AGAP1: variants seen among roughly 807,000 people sequenced by gnomAD.
AGAP1 encodes ArfGAP with GTPase domain, ankyrin repeat and PH domain 1, also known as arf-GAP with GTPase, ANK repeat and PH domain-containing protein 1.
AGAP1 carries 29 observed loss-of-function variants against 105.3 expected under a neutral mutation model. The ratio of observed to expected loss-of-function variants is 0.28; its 90% CI spans 0.21 to 0.38. The LOEUF is 0.38. AGAP1 is among the 10% of genes least tolerant of loss of function. The probability of loss-of-function intolerance (pLI) is 1.00; values close to 1 mark genes in which losing one functional copy is unlikely to be tolerated. For missense variants in AGAP1, 998 were observed against 1,165.1 expected, an observed-to-expected ratio of 0.86 and a Z score of 2.09; for synonymous variants, 509 against 485.9, an observed-to-expected ratio of 1.05 and a Z score of -0.63.
intron 13 of AGAP1, among the ~76,000 whole-genome samples, chr2:235,972,751 G>T (rs934107364): frequency 4.6e-5 from 7 of 152,174 alleles, no homozygotes. Context: ...AGAAGCCGTA[G>T]AGTGTTCGTG....
At chr2:235,822,460 G>A (rs1958844348) in intron 9 of AGAP1, among the ~76,000 whole-genome samples, 1 of 151,978 alleles carries the variant, frequency 6.6e-6, no homozygotes, top group Non-Finnish European at 1.5e-5. Context: ...AAGAGCTGGA[G>A]AAGCTCAAGG....
intron 1 of AGAP1, among the ~76,000 whole-genome samples, chr2:235,537,255 G>C (rs929632777): frequency 2.6e-5 from 4 of 152,230 alleles, no homozygotes; most frequent in African/African-American, 9.6e-5. Context: ...GGGGCACCTC[G>C]GGAGCCTGGC....
At chr2:235,675,190 GT>G (rs10714704) in intron 1 of AGAP1, among the ~76,000 whole-genome samples, 53,807 of 126,908 alleles carry the variant, frequency 0.42, 9,797 homozygotes, top group Middle Eastern at 0.48. Flanking sequence ...TGGTTGGTTG[GT>G]TTTTTTTTTT....
intron 2 of AGAP1, among the ~76,000 whole-genome samples, chr2:235,715,655 C>T (rs761169878): frequency 6.6e-6 from 1 of 152,160 alleles, no homozygotes; most frequent in Non-Finnish European, 1.5e-5. Context: ...TGAAGGAGTG[C>T]CACTTTCTCA....
chr2:235,640,684 C>T (rs1393973492), intron 1 of AGAP1, among the ~76,000 whole-genome samples: 1 of 152,192 alleles, frequency 6.6e-6, no homozygotes, highest in African/African-American at 2.4e-5. Context: ...TGTTACCTAC[C>T]ACCATTTTTA....
chr2:236,024,887 C>T (rs892249874), intron 13 of AGAP1, among the ~76,000 whole-genome samples: 6 of 152,218 alleles, frequency 3.9e-5, no homozygotes, highest in Non-Finnish European at 8.8e-5. Context: ...GACCTTTCCA[C>T]AGCTAACTGT....
intron 9 of AGAP1, among the ~76,000 whole-genome samples, chr2:235,878,254 G>A (rs560232890): frequency 6.6e-6 from 1 of 152,356 alleles, no homozygotes; most frequent in East Asian, 1.9e-4. Context: ...AGCAGGTTCA[G>A]TGTAACCAGC....
chr2:235,516,883 C>T (rs1286100783), intron 1 of AGAP1, among the ~76,000 whole-genome samples: 1 of 152,218 alleles, frequency 6.6e-6, no homozygotes, highest in East Asian at 1.9e-4. Flanking sequence ...TGGTTGCCCT[C>T]TGCAAACAGC....
At chr2:235,704,989 T>C (rs1950464440) in intron 1 of AGAP1, among the ~76,000 whole-genome samples, 1 of 107,842 alleles carries the variant, frequency 9.3e-6, no homozygotes, top group East Asian at 2.5e-4. Flanking sequence ...TTTTTTTTTT[T>C]TTTTTTTGCG....
At chr2:235,598,808 A>G (rs1945630658) in intron 1 of AGAP1, among the ~76,000 whole-genome samples, 1 of 152,000 alleles carries the variant, frequency 6.6e-6, no homozygotes, top group Non-Finnish European at 1.5e-5. Flanking sequence ...CCTCAGCCAG[A>G]CTCCTGGCAA....
At position 235,747,736 on chromosome 2, in the gene AGAP1, G is replaced by A. The variant is rs115720037; in HGVS notation, c.539-2618G>A. Among the ~76,000 whole-genome samples the A allele has an allele frequency of 9.0e-3, 1,366 of 152,350 alleles. 24 individuals carry two copies. Among genetic ancestry groups the A allele is most frequent in the African/African-American group, 0.032 (1,319 of 41,584 alleles). On this transcript the variant is annotated intron_variant, in intron 5 of 17. Coordinates refer to ENST00000304032, the MANE Select transcript of AGAP1 (RefSeq NM_001037131.3). The surrounding 1 kb of genome is among the most constrained non-coding windows in gnomAD (Gnocchi z 5.0). The stretch of plus-strand genomic sequence containing the variant: ...CTTGCTCTCCGTGAAGCCCGTGCTC[G>A]GCTGCTCTTTCAGGGGTTTGGCTTC...
intron 9 of AGAP1, among the ~76,000 whole-genome samples, chr2:235,825,481 C>T (rs959887362): frequency 2.6e-5 from 4 of 152,068 alleles, no homozygotes; most frequent in South Asian, 2.1e-4. Context: ...TTGCCCTTCC[C>T]GTGATCACTT....
At chr2:235,638,003 G>C (rs536158725) in intron 1 of AGAP1, among the ~76,000 whole-genome samples, 1 of 152,098 alleles carries the variant, frequency 6.6e-6, no homozygotes. Context: ...ATCTTTACTC[G>C]TTCTACTGAT....
chr2:235,531,672 A>G (rs545046283), intron 1 of AGAP1, among the ~76,000 whole-genome samples: 1 of 147,112 alleles, frequency 6.8e-6, no homozygotes, highest in Non-Finnish European at 1.5e-5. Context: ...CAGTGGCGCG[A>G]TCTCGGCTCA....
At chr2:235,918,577 G>A (rs554175608) in intron 11 of AGAP1, among the ~76,000 whole-genome samples, 19 of 152,282 alleles carry the variant, frequency 1.2e-4, no homozygotes, top group East Asian at 3.9e-4. Context: ...AGGCAAATTC[G>A]TGTGGTATTG....
chr2:235,907,989 A>G (rs1303500752), intron 10 of AGAP1, among the ~76,000 whole-genome samples: 1 of 152,194 alleles, frequency 6.6e-6, no homozygotes, highest in African/African-American at 2.4e-5. Context: ...ATGAGTGATG[A>G]TGATGCTGCA....
intron 17 of AGAP1, among the ~76,000 whole-genome samples, chr2:236,122,181 CT>C (rs2059916075): frequency 6.6e-6 from 1 of 152,090 alleles, no homozygotes; most frequent in African/African-American, 2.4e-5. Context: ...GAACTCCTGC[CT>C]TTAAGCAGTC....
intron 12 of AGAP1, 59 bp from the exon 13 acceptor site, chr2:235,968,403 T>C: frequency 6.5e-7 from 1 of 1,546,670 alleles, no homozygotes; most frequent in Non-Finnish European, 8.7e-7. Flanking sequence ...GCATTCTGCT[T>C]TGTAAGTGCT....
rs778154589 is a variant in AGAP1 at position 236,083,163 on chromosome 2, GAAAAA to G, written c.2114+33883_2114+33887del. On this transcript the variant is annotated intron_variant, in intron 16 of 17. Coordinates refer to ENST00000304032, the MANE Select transcript of AGAP1 (RefSeq NM_001037131.3). The surrounding 1 kb of genome is among the most constrained non-coding windows in gnomAD (Gnocchi z 5.3). ...AGCGAAATTCCATCTCAAAAAAAAAGAAAAAGAAAAGAGGCCTCGCCTTCCATTTA... is the reference window on the plus strand; with the variant it reads ...AGCGAAATTCCATCTCAAAAAAAAAGGAAAAGAGGCCTCGCCTTCCATTTA... Among the ~76,000 whole-genome samples the G allele has an allele frequency of 1.5e-4, 21 of 143,384 alleles. No individual in the cohort carries two copies. The highest frequency in any genetic ancestry group is 2.2e-4 in the East Asian group (1 of 4,544). The allele number at this position is 143,384 out of a possible 152,430, so 94.1% of individuals were successfully genotyped here. A position where few individuals can be genotyped will look rare whatever the true frequency, so the allele number is the denominator to read the frequency against.
Sources: gnomAD v4.1 joint callset for allele counts (sites outside exome capture counted in the v4.1 genomes callset) on GRCh38, gnomAD v4.1.1 for gene constraint, Gnocchi (gnomAD v3.1) non-coding constraint, MANE v1.5 for transcripts, NCBI Gene and HGNC (gene_info 2026-07-23, HGNC 2026-07-21) for gene names.